Variants in PHF21A observed in about 807,000 individuals in gnomAD.
PHF21A encodes BHC80a.
In PHF21A, 11 loss-of-function variants were observed where a neutral mutation model predicts 82.5. The observed-to-expected ratio is 0.13, with a 90% CI of 0.08 to 0.22. The LOEUF is 0.22. Ranked by LOEUF, PHF21A falls within the 10% of genes least tolerant of loss-of-function variation. The pLI, the probability that PHF21A is intolerant of heterozygous loss-of-function variation, is 1.00. For missense variants in PHF21A, 579 were observed against 837.8 expected (o/e 0.69, Z 3.81); for synonymous variants, 297 against 302.8 (o/e 0.98, Z 0.20).
chr11:45,934,519 C>T (rs577402961), intron 18 of PHF21A: 7 of 346,044 alleles, frequency 2.0e-5, no homozygotes, highest in South Asian at 8.0e-5. Flanking sequence ...CCGGCAGAGC[C>T]GCCATCAGAC....
At chr11:45,985,789 A>G (rs2094470427) in intron 6 of PHF21A, among the ~76,000 whole-genome samples, 1 of 152,134 alleles carries the variant, frequency 6.6e-6, no homozygotes, top group African/African-American at 2.4e-5. Context: ...CTACAACCTC[A>G]TCTTACACAG....
chr11:45,985,101 G>A (rs755221012), intron 6 of PHF21A, among the ~76,000 whole-genome samples: 3 of 152,120 alleles, frequency 2.0e-5, no homozygotes, highest in Non-Finnish European at 2.9e-5. Flanking sequence ...TAAATTTTAC[G>A]CGTATGGAAA....
intron 1 of PHF21A, among the ~76,000 whole-genome samples, chr11:46,092,918 G>A (rs1455473000): frequency 6.6e-6 from 1 of 151,786 alleles, no homozygotes; most frequent in African/African-American, 2.4e-5. Context: ...ACCATGCCTG[G>A]CTATTACTTT....
At chr11:46,113,626 G>A (rs1429757943) in intron 1 of PHF21A, among the ~76,000 whole-genome samples, 5 of 152,002 alleles carry the variant, frequency 3.3e-5, no homozygotes, top group South Asian at 4.1e-4. Context: ...TCAAGAGATC[G>A]AGACCATCCT....
At chr11:45,941,929 G>A (rs778984138) in intron 15 of PHF21A, among the ~76,000 whole-genome samples, 7 of 152,232 alleles carry the variant, frequency 4.6e-5, no homozygotes, top group Non-Finnish European at 1.0e-4. Flanking sequence ...GGTACATCCA[G>A]AGGATTAGTG....
chr11:46,095,164 A>G (rs1188728251), intron 1 of PHF21A, among the ~76,000 whole-genome samples: 1 of 140,024 alleles, frequency 7.1e-6, no homozygotes, highest in Admixed American at 7.6e-5. Flanking sequence ...ATTGAATATT[A>G]ATTGACTACC....
chr11:46,029,839 A>C (rs2095829729), intron 6 of PHF21A, among the ~76,000 whole-genome samples: 1 of 152,240 alleles, frequency 6.6e-6, no homozygotes, highest in African/African-American at 2.4e-5. Context: ...CTCCACCTGC[A>C]GTTATACAGT....
In PHF21A at chr11:46,076,709, T is replaced by C. The variant is rs754833209; in HGVS notation, c.153+45A>G. ...TAGAAGCCTCGAGCAGACATATCTT[T>C]AGAACACAACGTTAAAAATATGCCC... On this transcript the variant is annotated intron_variant, in intron 6 of 18. Coordinates refer to ENST00000676320, the MANE Select transcript of PHF21A (RefSeq NM_001352027.3). The C allele has an allele frequency of 2.7e-6, 4 of 1,493,482 alleles. No individual in the cohort carries two copies. In the East Asian group the frequency reaches 6.8e-5, roughly 25 times the overall value. The allele number at this position is 1,493,482 out of a possible 1,614,324, so 92.5% of individuals were successfully genotyped here.
chr11:45,980,095 G>C, intron 6 of PHF21A, 129 bp from the exon 7 acceptor site: 1 of 1,333,464 alleles, frequency 7.5e-7, no homozygotes, highest in Non-Finnish European at 1.0e-6. Flanking sequence ...ATTTACACAG[G>C]TTCTACATAT....
intron 6 of PHF21A, among the ~76,000 whole-genome samples, chr11:46,061,745 TC>T (rs1244887048): frequency 6.6e-6 from 1 of 152,190 alleles, no homozygotes; most frequent in Non-Finnish European, 1.5e-5. Context: ...TCTAAGTTTT[TC>T]CCTTCATCAA....
intron 8 of PHF21A, 155 bp downstream of exon 8, chr11:45,970,961 G>A: frequency 2.3e-6 from 2 of 862,390 alleles, no homozygotes; most frequent in South Asian, 3.6e-5. Context: ...TAGCAGAAAT[G>A]CCATATTCCC....
intron 11 of PHF21A, among the ~76,000 whole-genome samples, chr11:45,951,950 G>A (rs995154061): frequency 1.3e-4 from 20 of 152,046 alleles, no homozygotes; most frequent in East Asian, 9.7e-4. Flanking sequence ...GGGACTATAG[G>A]CACGCGCCAC....
chr11:46,087,471 T>C (rs2096869700), intron 3 of PHF21A, among the ~76,000 whole-genome samples: 1 of 152,172 alleles, frequency 6.6e-6, no homozygotes, highest in Non-Finnish European at 1.5e-5. Flanking sequence ...TATTTCAAAA[T>C]AAAACTAAAA....
intron 18 of PHF21A, 174 bp downstream of exon 18, chr11:45,935,462 G>T: frequency 1.6e-6 from 1 of 641,106 alleles, no homozygotes; most frequent in Non-Finnish European, 2.7e-6. Flanking sequence ...CTGGCCGCCT[G>T]TACCTGAGGT....
Position 45,931,545 on chromosome 11 carries a change from T to C in PHF21A, c.*2423A>G, listed in dbSNP as rs1470136505. 6.6e-6 allele frequency: 1 copy of C among 152,270 alleles called. No individual in the cohort carries two copies. The highest frequency in any genetic ancestry group is 1.5e-5 in the Non-Finnish European group (1 of 68,068). 9.4% of individuals were successfully genotyped at this position (152,270 alleles called of 1,614,324 possible). A position where few individuals can be genotyped will look rare whatever the true frequency, so the allele number is the denominator to read the frequency against. The stretch of plus-strand genomic sequence containing the variant: ...CCTTCTTCTGAGGCCCCTGGGAAGA[T>C]GAAAGGCGATGGCTGATAGAGATGA... On this transcript the variant is annotated 3_prime_UTR_variant, in exon 19 of 19. Transcript: ENST00000676320.
At position 46,030,684 on chromosome 11, in the gene PHF21A, A is replaced by C. The variant is rs560490922; in HGVS notation, c.153+46070T>G. Among the ~76,000 whole-genome samples the C allele has an allele frequency of 3.3e-5, 5 of 152,286 alleles. No homozygotes were observed. The East Asian group carries it at 9.6e-4, about 29-fold the overall frequency. ...ACTGCATCATAAACATAATAAAACC[A>C]ATTTTCACTAAATCTCACATTTGCA... On this transcript the variant is annotated intron_variant, in intron 6 of 18. Coordinates refer to ENST00000676320, the MANE Select transcript of PHF21A (RefSeq NM_001352027.3).
chr11:46,076,876 T>A, intron 5 of PHF21A, 57 bp from the exon 6 acceptor site: 1 of 1,384,068 alleles, frequency 7.2e-7, no homozygotes, highest in Non-Finnish European at 1.0e-6. Flanking sequence ...AACAGAATAG[T>A]AGCAGGAAGA....
chr11:45,999,151 T>A (rs1458333840), intron 6 of PHF21A, among the ~76,000 whole-genome samples: 2 of 151,970 alleles, frequency 1.3e-5, no homozygotes, highest in African/African-American at 4.8e-5. Flanking sequence ...TCTTACAGAG[T>A]ATCAACAAAG....
intron 6 of PHF21A, among the ~76,000 whole-genome samples, chr11:46,064,764 A>G (rs2096575880): frequency 1.3e-5 from 2 of 152,244 alleles, no homozygotes; most frequent in Admixed American, 1.3e-4. Flanking sequence ...TTTATAGACA[A>G]TTTTTAAATA....
Sources: gnomAD v4.1 joint callset for allele counts (sites outside exome capture counted in the v4.1 genomes callset) on GRCh38, gnomAD v4.1.1 for gene constraint, MANE v1.5 for transcripts, NCBI Gene and HGNC (gene_info 2026-07-23, HGNC 2026-07-21) for gene names.